IFITM10: variants seen among roughly 807,000 people sequenced by gnomAD.
IFITM10 encodes interferon-induced transmembrane protein 10.
IFITM10 carries 17 observed loss-of-function variants against 19.0 expected under a neutral mutation model. The observed-to-expected ratio is 0.90, with a 90% CI of 0.61 to 1.34. IFITM10 has a LOEUF of 1.34. Ranked by LOEUF, IFITM10 falls within the 40% of genes most tolerant of loss-of-function variation. The pLI is 0.00. For missense variants in IFITM10, 306 were observed against 319.8 expected (o/e 0.96, Z 0.33); for synonymous variants, 148 against 147.2 (o/e 1.01, Z -0.04).
chr11:1,748,226 G>A lies in IFITM10; in HGVS notation c.85-107C>T, dbSNP rs1590900098. The A allele has an allele frequency of 8.9e-6, 8 of 899,432 alleles. No homozygotes were observed. In the East Asian group the frequency reaches 2.3e-4, roughly 26 times the overall value. The allele number at this position is 899,432 out of a possible 1,614,324, so 55.7% of individuals were successfully genotyped here. ...CCCCAGTGGAGACGGAAATCCCTGC[G>A]GGGGCCGCCAGCTGCCAGCCTGCCA... is the stretch of plus-strand genomic sequence containing the variant. On this transcript the variant is annotated intron_variant, in intron 1 of 2. Coordinates refer to ENST00000340134, the MANE Select transcript of IFITM10 (RefSeq NM_001170820.4).
intron 2 of IFITM10, among the ~76,000 whole-genome samples, chr11:1,735,650 C>G (rs1851079545): frequency 6.6e-6 from 1 of 152,180 alleles, no homozygotes; most frequent in Admixed American, 6.5e-5. Flanking sequence ...TCTGAAACCT[C>G]TCAGCCCTCA....
At position 1,747,779 on chromosome 11, in the gene IFITM10, T is replaced by C. The variant is rs1845667586; in HGVS notation, c.425A>G (p.Glu142Gly). Residue 142 changes from glutamate to glycine, a missense_variant, in exon 2 of 3, where the codon GAG becomes GGG. Transcript: ENST00000340134. The stretch of plus-strand genomic sequence containing the variant: ...CACCTCGGTGGTGTCCGGGTAGACC[T>C]CGATGACGGTCGTGGGGTTGGTCAT... ...KTMTNPTTVI[E>G]VYPDTTEVND... The C allele has an allele frequency of 4.5e-6, 7 of 1,551,448 alleles. No homozygotes were observed. Among genetic ancestry groups the C allele is most frequent in the Non-Finnish European group, 6.1e-6 (7 of 1,146,740 alleles).
rs1010363808 is a variant in IFITM10, at chr11:1,735,065, G to C, written c.*215C>G. 3 of 566,360 alleles carry C rather than the reference G, an allele frequency of 5.3e-6. No individual in the cohort carries two copies. Among genetic ancestry groups the C allele is most frequent in the African/African-American group, 1.9e-5 (1 of 52,760 alleles). 35.1% of individuals were successfully genotyped at this position (566,360 alleles called of 1,614,324 possible). A position where few individuals can be genotyped will look rare whatever the true frequency, so the allele number is the denominator to read the frequency against. On this transcript the variant is annotated 3_prime_UTR_variant, in exon 3 of 3. Transcript: ENST00000340134. The stretch of plus-strand genomic sequence containing the variant: ...AGGCCCCAGACACAGGCAGGGTGGA[G>C]GCCAGGAGGCGGAGGGGGTGGACTG...
rs1845669886 is a variant in IFITM10 at position 1,747,940 on chromosome 11, G to A, written c.264C>T (p.Ala88=). Residue 88 remains alanine (A), a synonymous_variant, in exon 2 of 3, where the codon GCC becomes GCT. Transcript: ENST00000340134. ...SKPPALQAPA[A]PAPEPSASPP... ...GAGAGGCCGAGGGCTCAGGGGCAGG[G>A]GCCGCCGGAGCCTGCAGGGCAGGGG... is the stretch of plus-strand genomic sequence containing the variant. 5.4e-6 allele frequency: 8 copies of A among 1,475,344 alleles called. No homozygotes were observed. Among genetic ancestry groups the A allele is most frequent in the African/African-American group, 1.4e-5 (1 of 70,672 alleles). The allele number at this position is 1,475,344 out of a possible 1,614,324, so 91.4% of individuals were successfully genotyped here. A position where few individuals can be genotyped will look rare whatever the true frequency, so the allele number is the denominator to read the frequency against.
At chr11:1,738,888 G>A (rs532320560) in intron 2 of IFITM10, among the ~76,000 whole-genome samples, 247 of 151,852 alleles carry the variant, frequency 1.6e-3, no homozygotes, top group Middle Eastern at 3.4e-3. Flanking sequence ...GTGAAACCCC[G>A]TCTCTACTAA....
rs924633781 is a variant in IFITM10 at position 1,732,932 on chromosome 11, G to C, written c.*2348C>G. On this transcript the variant is annotated 3_prime_UTR_variant, in exon 3 of 3. Coordinates refer to ENST00000340134, the MANE Select transcript of IFITM10 (RefSeq NM_001170820.4). ...ACCAGCACTGCCACCAAATGTTTAA[G>C]GAAAATAGGCAAAGAAAGCATTTGC... is the stretch of plus-strand genomic sequence containing the variant. 1.3e-5 allele frequency: 2 copies of C among 152,234 alleles called. No individual in the cohort carries two copies. Among genetic ancestry groups the C allele is most frequent in the Non-Finnish European group, 2.9e-5 (2 of 68,110 alleles). The allele number at this position is 152,234 out of a possible 1,614,324, so 9.4% of individuals were successfully genotyped here.
In IFITM10 at chr11:1,734,165, TC is replaced by T. The variant is rs1248615226; in HGVS notation, c.*1114del. 1 of 152,458 alleles carries T rather than the reference TC, an allele frequency of 6.6e-6. No homozygotes were observed. The highest frequency in any genetic ancestry group is 2.4e-5 in the African/African-American group (1 of 41,450). 9.4% of individuals were successfully genotyped at this position (152,458 alleles called of 1,614,324 possible). On this transcript the variant is annotated 3_prime_UTR_variant, in exon 3 of 3. Transcript: ENST00000340134. The stretch of plus-strand genomic sequence containing the variant: ...GTGCCTCGCCGATGCCCTGCACTTT[TC>T]CTAGTGCACCCTCATCAGCTTGTCT...
At chr11:1,737,300 T>C (rs1230283962) in intron 2 of IFITM10, among the ~76,000 whole-genome samples, 1 of 152,254 alleles carries the variant, frequency 6.6e-6, no homozygotes, top group South Asian at 2.1e-4. Flanking sequence ...AACTATCATA[T>C]TGTACTAACT....
intron 2 of IFITM10, among the ~76,000 whole-genome samples, chr11:1,738,166 G>C (rs1367641117): frequency 2.0e-5 from 3 of 152,032 alleles, no homozygotes; most frequent in African/African-American, 7.2e-5. Flanking sequence ...AGGAGGGCTG[G>C]ACGGATATAA....
intron 2 of IFITM10, among the ~76,000 whole-genome samples, chr11:1,738,183 C>T (rs369436757): frequency 1.3e-5 from 2 of 151,992 alleles, no homozygotes; most frequent in Admixed American, 6.6e-5. Flanking sequence ...ATAAAATGTA[C>T]GTTGGATGAG....
chr11:1,750,456 C>G lies in IFITM10; in HGVS notation c.-14G>C. The G allele has an allele frequency of 6.4e-7, 1 of 1,550,454 alleles. No individual in the cohort carries two copies. On this transcript the variant is annotated 5_prime_UTR_variant, in exon 1 of 3. Transcript: ENST00000340134. Reference sequence around the variant, plus strand: ...TCCCTCCCTCATCTCTCTCCAAGCCCCATCCTCCCATGAAACTCCTTTCTC... The same window carrying G: ...TCCCTCCCTCATCTCTCTCCAAGCCGCATCCTCCCATGAAACTCCTTTCTC...
At chr11:1,744,184 A>G (rs1052668358) in intron 2 of IFITM10, among the ~76,000 whole-genome samples, 3 of 152,188 alleles carry the variant, frequency 2.0e-5, no homozygotes, top group Non-Finnish European at 2.9e-5. Context: ...CCGTCTCACC[A>G]TGTGTCCTCT....
rs763564763 is a variant in IFITM10, at chr11:1,743,583, GGAGT to G, written c.537+4080_537+4083del. On this transcript the variant is annotated intron_variant, in intron 2 of 2. Transcript: ENST00000340134. Reference sequence around the variant, plus strand: ...AATGTGTGATGCTGATATTCAGAAAGGAGTGAGTGGGTGAGTGTGTACATCCAAA... The same window carrying G: ...AATGTGTGATGCTGATATTCAGAAAGGAGTGGGTGAGTGTGTACATCCAAA... Among the ~76,000 whole-genome samples, 23 of 152,280 alleles carry G rather than the reference GGAGT, an allele frequency of 1.5e-4. No homozygotes were observed. The South Asian group carries it at 4.3e-3, about 29-fold the overall frequency.
At chr11:1,736,574 AGAGTGGAGTGGATG>A (rs979403643) in intron 2 of IFITM10, among the ~76,000 whole-genome samples, 30 of 152,160 alleles carry the variant, frequency 2.0e-4, no homozygotes, top group African/African-American at 6.3e-4. Flanking sequence ...GAAGTGAAAT[AGAGTGGAGTGGATG>A]GAGTGGAGTG....
chr11:1,750,587 C>A lies in IFITM10; in HGVS notation c.-145G>T. ...CTGCCTGCCTGTGCCTGACTCTGAA[C>A]CCTTTCTCTCCCCAAACCTCTGTTC... is the stretch of plus-strand genomic sequence containing the variant. On this transcript the variant is annotated 5_prime_UTR_variant, in exon 1 of 3. Transcript: ENST00000340134. The A allele has an allele frequency of 9.9e-7, 1 of 1,008,004 alleles. No homozygotes were observed. The allele number at this position is 1,008,004 out of a possible 1,614,324, so 62.4% of individuals were successfully genotyped here.
intron 2 of IFITM10, among the ~76,000 whole-genome samples, chr11:1,735,967 T>C (rs1041673870): frequency 1.3e-5 from 2 of 152,034 alleles, no homozygotes; most frequent in Admixed American, 1.3e-4. Flanking sequence ...TGGGGAGGAA[T>C]ATTAAGGCGA....
At chr11:1,744,580 AG>A (rs1374251733) in intron 2 of IFITM10, 3 of 152,242 alleles carry the variant, frequency 2.0e-5, no homozygotes, top group African/African-American at 7.3e-5. Flanking sequence ...GTGCAAAATA[AG>A]GCTTCAATCT....
intron 2 of IFITM10, among the ~76,000 whole-genome samples, chr11:1,741,282 A>T (rs754114642): frequency 6.6e-6 from 1 of 151,780 alleles, no homozygotes; most frequent in South Asian, 2.1e-4. Context: ...CAATTAGGAA[A>T]CGGGCCCGAG....
chr11:1,750,278 G>A (rs1157309980), intron 1 of IFITM10, 81 bp downstream of exon 1: 21 of 1,548,948 alleles, frequency 1.4e-5, no homozygotes, highest in Non-Finnish European at 1.8e-5. Flanking sequence ...TCCCCATGGA[G>A]AAAACTCCAG....
Sources: gnomAD v4.1 joint callset for allele counts (sites outside exome capture counted in the v4.1 genomes callset) on GRCh38, gnomAD v4.1.1 for gene constraint, MANE v1.5 for transcripts, NCBI Gene and HGNC (gene_info 2026-07-23, HGNC 2026-07-21) for gene names.